LAMC2: variants seen among roughly 807,000 people sequenced by gnomAD.
LAMC2 encodes laminin subunit gamma-2.
Under a neutral mutation model 140.2 loss-of-function variants are expected in LAMC2, and 97 were observed. The ratio of observed to expected loss-of-function variants is 0.69; its 90% CI spans 0.59 to 0.82. LAMC2 has a LOEUF of 0.82. LAMC2 is among the 40% of genes least tolerant of loss of function. The pLI, the probability that LAMC2 is intolerant of heterozygous loss-of-function variation, is 0.00. For missense variants in LAMC2, 1,402 were observed against 1,476.1 expected, an observed-to-expected ratio of 0.95 and a Z score of 0.82; for synonymous variants, 513 against 540.2, an observed-to-expected ratio of 0.95 and a Z score of 0.70.
At chr1:183,234,668 CT>C (rs1290025067) in intron 15 of LAMC2, among the ~76,000 whole-genome samples, 2 of 152,166 alleles carry the variant, frequency 1.3e-5, no homozygotes, top group Non-Finnish European at 2.9e-5. Flanking sequence ...GAGGGTGTTT[CT>C]TTCCCACATT....
At chr1:183,189,623 A>G (rs1658262723) in intron 1 of LAMC2, among the ~76,000 whole-genome samples, 1 of 152,198 alleles carries the variant, frequency 6.6e-6, no homozygotes, top group Admixed American at 6.5e-5. Context: ...ATTGCCTAGG[A>G]TATGGAGGTA....
At chr1:183,252,064 C>T in the LAMC2 span, 6 of 153,714 alleles carry the variant, frequency 3.9e-5, no homozygotes, top group African/African-American at 1.4e-4. Flanking sequence ...GGAAGTAATA[C>T]CACAGGAGCA....
At chr1:183,213,188 C>G (rs1042723123) in intron 2 of LAMC2, among the ~76,000 whole-genome samples, 1 of 152,368 alleles carries the variant, frequency 6.6e-6, no homozygotes. Context: ...TGAGCTAATA[C>G]ATATAAAGTG....
At chr1:183,217,665 G>T (rs1008058666) in intron 3 of LAMC2, among the ~76,000 whole-genome samples, 2 of 152,336 alleles carry the variant, frequency 1.3e-5, no homozygotes, top group Non-Finnish European at 2.9e-5. Context: ...TAATTCCATT[G>T]ATAGGAAATG....
chr1:183,232,799 G>C lies in LAMC2; in HGVS notation c.2162G>C (p.Arg721Thr). 6.2e-7 allele frequency: 1 copy of C among 1,614,168 alleles called. No homozygotes were observed. Among genetic ancestry groups the C allele is most frequent in the Non-Finnish European group, 8.5e-7 (1 of 1,180,016 alleles). Reference sequence around the variant, plus strand: ...CAGAACCGAGTTCGGGATACTCACAGGCTCATCACTCAGATGCAGCTGAGC... The same window carrying C: ...CAGAACCGAGTTCGGGATACTCACACGCTCATCACTCAGATGCAGCTGAGC... ...QYQNRVRDTH[R>T]LITQMQLSLA... Residue 721 changes from arginine (R) to threonine (T), a missense_variant, in exon 14 of 23, where the codon AGG becomes ACG. Arg to Thr is a moderately conservative substitution (Grantham distance 71). Transcript: ENST00000264144.
intron 12 of LAMC2, 130 bp from the exon 13 acceptor site, chr1:183,232,056 TA>T: frequency 1.7e-6 from 2 of 1,172,722 alleles, no homozygotes; most frequent in Non-Finnish European, 2.5e-6. Context: ...CTCCAGGGTC[TA>T]AAATTTTAAC....
At chr1:183,239,625 G>A in intron 20 of LAMC2, 62 bp downstream of exon 20, 1 of 1,430,962 alleles carries the variant, frequency 7.0e-7, no homozygotes, top group Admixed American at 1.9e-5. Context: ...TGGTGTGGAG[G>A]GAAAAAGAAC....
At chr1:183,243,099 C>G in intron 22 of LAMC2, 48 bp from the exon 23 acceptor site, 1 of 1,611,682 alleles carries the variant, frequency 6.2e-7, no homozygotes. Context: ...TCAAGGAGAT[C>G]TAACTACAGC....
At chr1:183,215,099 A>C (rs1659210415) in intron 2 of LAMC2, among the ~76,000 whole-genome samples, 1 of 151,980 alleles carries the variant, frequency 6.6e-6, no homozygotes, top group African/African-American at 2.4e-5. Flanking sequence ...TCAGATACAA[A>C]CTCTCTTCTA....
downstream of LAMC2, chr1:183,249,663 T>G (rs1000355533): frequency 1.4e-5 from 2 of 147,860 alleles, no homozygotes; most frequent in Non-Finnish European, 2.9e-5. Context: ...GACCTTCCCC[T>G]AGCAAATGAA....
chr1:183,218,912 C>T (rs946414735), intron 4 of LAMC2, among the ~76,000 whole-genome samples: 1 of 152,166 alleles, frequency 6.6e-6, no homozygotes, highest in Non-Finnish European at 1.5e-5. Flanking sequence ...CAGCATATGG[C>T]CATATATAAC....
chr1:183,225,503 A>G, intron 7 of LAMC2, 105 bp from the exon 8 acceptor site: 1 of 816,756 alleles, frequency 1.2e-6, no homozygotes, highest in Admixed American at 1.7e-5. Context: ...TCTAAGCAGG[A>G]CTGGGAAGGG....
chr1:183,227,731 T>C (rs754631683), intron 10 of LAMC2, 34 bp downstream of exon 10: 1 of 1,598,264 alleles, frequency 6.3e-7, no homozygotes, highest in South Asian at 1.1e-5. Flanking sequence ...CACCTGCCTC[T>C]TCCTGTCCTG....
intron 17 of LAMC2, 23 bp from the exon 18 acceptor site, chr1:183,237,328 TC>T (rs1177433544): frequency 1.2e-6 from 2 of 1,613,748 alleles, no homozygotes; most frequent in Non-Finnish European, 1.7e-6. Context: ...GAAGTCAGAC[TC>T]CCTGGTTTCT....
intron 20 of LAMC2, 102 bp from the exon 21 acceptor site, chr1:183,239,938 A>C: frequency 1.8e-4 from 222 of 1,203,422 alleles, no homozygotes; most frequent in Non-Finnish European, 2.4e-4. Context: ...TTACTCCATC[A>C]GGGCCCGGCT....
intron 1 of LAMC2, among the ~76,000 whole-genome samples, chr1:183,198,505 A>G (rs1220477226): frequency 1.3e-5 from 2 of 152,202 alleles, no homozygotes; most frequent in Non-Finnish European, 2.9e-5. Flanking sequence ...GTCACATCAT[A>G]TAAACTTGCT....
chr1:183,191,464 C>G (rs897936229), intron 1 of LAMC2, among the ~76,000 whole-genome samples: 1 of 150,882 alleles, frequency 6.6e-6, no homozygotes, highest in Non-Finnish European at 1.5e-5. Context: ...TCCCATTTAA[C>G]CCACTTAAGT....
chr1:183,194,782 T>C (rs1383899882), intron 1 of LAMC2, among the ~76,000 whole-genome samples: 1 of 152,230 alleles, frequency 6.6e-6, no homozygotes, highest in Non-Finnish European at 1.5e-5. Context: ...ATGCAAGAAA[T>C]GTCCAGAGAA....
At chr1:183,219,639 T>A (rs1659405026) in intron 4 of LAMC2, among the ~76,000 whole-genome samples, 1 of 152,184 alleles carries the variant, frequency 6.6e-6, no homozygotes. Flanking sequence ...CCTCCCATCC[T>A]TCCTTGTTTT....
Sources: gnomAD v4.1 joint callset for allele counts (sites outside exome capture counted in the v4.1 genomes callset) on GRCh38, gnomAD v4.1.1 for gene constraint, MANE v1.5 for transcripts, NCBI Gene and HGNC (gene_info 2026-07-23, HGNC 2026-07-21) for gene names.